Variants in CACFD1 observed in about 807,000 individuals in gnomAD.
The protein encoded by CACFD1 is calcium channel flower homolog.
A neutral mutation model predicts 21.3 loss-of-function variants in CACFD1; 26 were observed. The ratio of observed to expected loss-of-function variants is 1.22; its 90% confidence interval spans 0.89 to 1.69. CACFD1 has a LOEUF of 1.69. Ranked by LOEUF, CACFD1 falls within the 40% of genes most tolerant of loss-of-function variation. CACFD1 has a pLI of 0.00. For missense variants in CACFD1, 265 were observed against 236.2 expected (o/e 1.12, Z -0.80); for synonymous variants, 121 against 106.6 (o/e 1.13, Z -0.83).
chr9:133,463,924 T>A (rs1463474162), intron 2 of CACFD1, among the ~76,000 whole-genome samples: 1 of 152,140 alleles, frequency 6.6e-6, no homozygotes, highest in African/African-American at 2.4e-5. Context: ...CTCCCAGGAC[T>A]GGGGTGGGGA....
At chr9:133,467,773 C>G in intron 3 of CACFD1, 148 bp from the exon 4 acceptor site, 1 of 615,660 alleles carries the variant, frequency 1.6e-6, no homozygotes, top group Non-Finnish European at 2.9e-6. Flanking sequence ...TGATGAAGGA[C>G]TTTCTGAAGC....
In CACFD1 at chr9:133,465,746, T is replaced by C; in HGVS notation, c.320+299T>C. 1 of 341,266 alleles carries C rather than the reference T, an allele frequency of 2.9e-6. No individual in the cohort carries two copies. Among genetic ancestry groups the C allele is most frequent in the South Asian group, 3.9e-5 (1 of 25,838 alleles). The allele number at this position is 341,266 out of a possible 1,614,324, so 21.1% of individuals were successfully genotyped here. On this transcript the variant is annotated intron_variant, in intron 3 of 4. Transcript: ENST00000316948. This position sits in a 1 kb window ranked among gnomAD's most constrained non-coding sequence, Gnocchi z 5.0. ...AAGTGGGAAGCGTCTGGAATTTTGG[T>C]CCGTCCACTGGGAGTTGTTAACCAG...
chr9:133,466,279 T>C (rs1276999571), intron 3 of CACFD1, among the ~76,000 whole-genome samples: 1 of 152,246 alleles, frequency 6.6e-6, no homozygotes, highest in African/African-American at 2.4e-5. Context: ...CTAGACATCA[T>C]AGAAATTCAT....
intron 3 of CACFD1, among the ~76,000 whole-genome samples, chr9:133,466,303 G>A (rs1029142050): frequency 6.6e-6 from 1 of 152,222 alleles, no homozygotes; most frequent in Non-Finnish European, 1.5e-5. Context: ...CAATAATTTG[G>A]AATATAGAAC....
chr9:133,461,946 G>T (rs1008710725), intron 1 of CACFD1: 1 of 985,316 alleles, frequency 1.0e-6, no homozygotes, highest in African/African-American at 1.7e-5. Flanking sequence ...CCTGGAGAGG[G>T]TCTACCCTGG....
rs1003289928 is a variant in CACFD1 at position 133,465,105 on chromosome 9, G to C, written c.195-217G>C. ...GTGTTCAGTTCAGCTGGGGAGATGG[G>C]TGTGCAGGAGCAGCTGGGGAGTGCT... On this transcript the variant is annotated intron_variant, in intron 2 of 4. Transcript: ENST00000316948. The surrounding 1 kb of genome is among the most constrained non-coding windows in gnomAD (Gnocchi z 5.0). The C allele has an allele frequency of 1.7e-6, 1 of 580,170 alleles. No individual in the cohort carries two copies. The highest frequency in any genetic ancestry group is 3.1e-6 in the Non-Finnish European group (1 of 324,986). The allele number at this position is 580,170 out of a possible 1,614,324, so 35.9% of individuals were successfully genotyped here.
chr9:133,461,700 G>A (rs1347753821), intron 1 of CACFD1: 2 of 191,158 alleles, frequency 1.0e-5, no homozygotes, highest in African/African-American at 2.4e-5. Context: ...CTGGGGCTCT[G>A]TTGGGTCTAC....
At chr9:133,463,992 C>G (rs143048884) in intron 2 of CACFD1, among the ~76,000 whole-genome samples, 2 of 152,354 alleles carry the variant, frequency 1.3e-5, no homozygotes, top group East Asian at 1.9e-4. Context: ...GGAGAGGGCA[C>G]TCGAGCTCGG....
chr9:133,460,815 C>A (rs1843171254), intron 1 of CACFD1, among the ~76,000 whole-genome samples: 1 of 152,200 alleles, frequency 6.6e-6, no homozygotes, highest in African/African-American at 2.4e-5. Context: ...GGTCCTCTGT[C>A]CGCTCTCATA....
At chr9:133,464,852 T>C (rs1843367697) in intron 2 of CACFD1, among the ~76,000 whole-genome samples, 1 of 152,178 alleles carries the variant, frequency 6.6e-6, no homozygotes, top group African/African-American at 2.4e-5. Context: ...TGGCTCCAGC[T>C]CTCTGCCTCC....
chr9:133,468,303 C>T lies in CACFD1; in HGVS notation c.429-260C>T, dbSNP rs587602157. On this transcript the variant is annotated intron_variant, in intron 4 of 4. Coordinates refer to ENST00000316948, the MANE Select transcript of CACFD1 (RefSeq NM_017586.5). ...GCCCCTTCCCCTCCCAGGTCTGCAC[C>T]GGGCATTGTACTCAGTTGCCACCCT... 8.9e-5 allele frequency: 135 copies of T among 1,522,992 alleles called. 1 individual carries two copies. Among genetic ancestry groups the T allele is most frequent in the South Asian group, 8.6e-4 (71 of 82,578 alleles). The allele number at this position is 1,522,992 out of a possible 1,614,324, so 94.3% of individuals were successfully genotyped here. A position where few individuals can be genotyped will look rare whatever the true frequency, so the allele number is the denominator to read the frequency against.
In CACFD1 at chr9:133,463,601, G is replaced by T. The variant is rs1441382611; in HGVS notation, c.194+46G>T. ...CCACCCCGGGGGTCTTGCTGGTCGG[G>T]AATCTGCTGGGCACCTCCCGGGACA... On this transcript the variant is annotated intron_variant, in intron 2 of 4. Transcript: ENST00000316948. 2.5e-6 allele frequency: 4 copies of T among 1,599,752 alleles called. No individual in the cohort carries two copies. In the African/African-American group the frequency reaches 4.0e-5, roughly 16 times the overall value.
intron 2 of CACFD1, among the ~76,000 whole-genome samples, chr9:133,464,440 C>T (rs1030559847): frequency 6.6e-6 from 1 of 152,080 alleles, no homozygotes; most frequent in African/African-American, 2.4e-5. Flanking sequence ...CAGAGTGAGC[C>T]CGTGCTTGGA....
intron 2 of CACFD1, 48 bp downstream of exon 2, chr9:133,463,603 A>G: frequency 6.3e-7 from 1 of 1,597,140 alleles, no homozygotes; most frequent in Non-Finnish European, 8.6e-7. Context: ...CTGGTCGGGA[A>G]TCTGCTGGGC....
intron 1 of CACFD1, 70 bp downstream of exon 1, chr9:133,460,257 C>G: frequency 7.4e-7 from 1 of 1,354,748 alleles, no homozygotes; most frequent in Non-Finnish European, 9.6e-7. Flanking sequence ...CTGCCCCGCC[C>G]CGCCCCGGCG....
At chr9:133,464,207 G>C (rs781956155) in intron 2 of CACFD1, among the ~76,000 whole-genome samples, 1 of 152,216 alleles carries the variant, frequency 6.6e-6, no homozygotes, top group South Asian at 2.1e-4. Flanking sequence ...GTCCTCATGG[G>C]GCTTGGTGCC....
In CACFD1 at chr9:133,460,043, T is replaced by C; in HGVS notation, c.-24T>C. On this transcript the variant is annotated 5_prime_UTR_variant, in exon 1 of 5. Transcript: ENST00000316948. The stretch of plus-strand genomic sequence containing the variant: ...GCTACCGAGCCCTTTGTGAGGGCTG[T>C]GAGCTGCGCCTGACGGTGGCACCAT... 1 of 1,543,634 alleles carries C rather than the reference T, an allele frequency of 6.5e-7. No homozygotes were observed. The highest frequency in any genetic ancestry group is 8.7e-7 in the Non-Finnish European group (1 of 1,145,866).
intron 1 of CACFD1, among the ~76,000 whole-genome samples, chr9:133,460,918 C>A (rs1015026030): frequency 6.6e-6 from 1 of 152,208 alleles, no homozygotes; most frequent in Admixed American, 6.5e-5. Context: ...CTTAGGCTGC[C>A]AGGGAAGCTA....
intron 2 of CACFD1, among the ~76,000 whole-genome samples, chr9:133,464,554 T>G (rs947528308): frequency 6.6e-6 from 1 of 151,908 alleles, no homozygotes; most frequent in African/African-American, 2.4e-5. Context: ...GAGCCTGCAT[T>G]TCTGTTACAC....
Sources: gnomAD v4.1 joint callset for allele counts (sites outside exome capture counted in the v4.1 genomes callset) on GRCh38, gnomAD v4.1.1 for gene constraint, Gnocchi (gnomAD v3.1) non-coding constraint, MANE v1.5 for transcripts, NCBI Gene and HGNC (gene_info 2026-07-23, HGNC 2026-07-21) for gene names.